LYPLAL1: variants seen among roughly 807,000 people sequenced by gnomAD.
LYPLAL1 encodes the protein lysophospholipase-like protein 1.
LYPLAL1 carries 23 observed loss-of-function variants against 19.7 expected under a neutral mutation model. That is an observed-to-expected ratio of 1.17 (90% CI 0.84 to 1.65). The LOEUF (loss-of-function observed/expected upper bound fraction) is 1.65. LYPLAL1 is among the 40% of genes most tolerant of loss of function. The pLI is 0.00. For missense variants in LYPLAL1, 355 were observed against 279.4 expected (o/e 1.27, Z -1.93); for synonymous variants, 119 against 96.3 (o/e 1.24, Z -1.38).
At chr1:219,315,976 GGCAAGAAAAAATTTGGTGAA>G in the LYPLAL1 span, among the ~76,000 whole-genome samples, 1 of 152,092 alleles carries the variant, frequency 6.6e-6, no homozygotes, top group East Asian at 1.9e-4. Flanking sequence ...AATGCCCCAT[GGCAAGAAAAAATTTGGTGAA>G]AAGCTACATG....
the LYPLAL1 span, among the ~76,000 whole-genome samples, chr1:219,260,055 A>G: frequency 6.6e-6 from 1 of 151,986 alleles, no homozygotes; most frequent in East Asian, 1.9e-4. Context: ...ACAAGGGTAA[A>G]TTAGTACAAA....
At chr1:219,259,856 A>G in the LYPLAL1 span, among the ~76,000 whole-genome samples, 1 of 152,084 alleles carries the variant, frequency 6.6e-6, no homozygotes, top group South Asian at 2.1e-4. Flanking sequence ...AGTAGCTGAT[A>G]TGGATAAATG....
At chr1:219,288,326 G>C in the LYPLAL1 span, among the ~76,000 whole-genome samples, 1 of 152,132 alleles carries the variant, frequency 6.6e-6, no homozygotes, top group East Asian at 1.9e-4. Context: ...AAGCACAAAG[G>C]AAACTTAAGT....
chr1:219,208,838 CA>C (rs1437721284), intron 3 of LYPLAL1, among the ~76,000 whole-genome samples: 1 of 151,934 alleles, frequency 6.6e-6, no homozygotes, highest in African/African-American at 2.4e-5. Flanking sequence ...TGGCAAAAAA[CA>C]ATAAAGTTGA....
the LYPLAL1 span, among the ~76,000 whole-genome samples, chr1:219,372,152 A>G: frequency 6.6e-6 from 1 of 152,206 alleles, no homozygotes; most frequent in African/African-American, 2.4e-5. Flanking sequence ...TGAAAACACA[A>G]TTACTGTCTT....
the LYPLAL1 span, among the ~76,000 whole-genome samples, chr1:219,343,979 C>T: frequency 1.3e-5 from 2 of 151,962 alleles, no homozygotes; most frequent in Admixed American, 1.3e-4. Flanking sequence ...TCTGATTTTT[C>T]TTTAAAGGCA....
At chr1:219,307,856 C>T in the LYPLAL1 span, among the ~76,000 whole-genome samples, 1 of 152,274 alleles carries the variant, frequency 6.6e-6, no homozygotes, top group African/African-American at 2.4e-5. Flanking sequence ...GTAAGAAGTG[C>T]CTTTCACCTC....
At chr1:219,423,073 C>A in the LYPLAL1 span, among the ~76,000 whole-genome samples, 1 of 152,102 alleles carries the variant, frequency 6.6e-6, no homozygotes, top group Non-Finnish European at 1.5e-5. Flanking sequence ...AAATTTTTCC[C>A]ACCTTGATGT....
chr1:219,419,060 G>A, the LYPLAL1 span, among the ~76,000 whole-genome samples: 1 of 152,124 alleles, frequency 6.6e-6, no homozygotes, highest in African/African-American at 2.4e-5. Context: ...CTTACTGAAG[G>A]ACACCTTGGT....
At chr1:219,402,324 A>G in the LYPLAL1 span, among the ~76,000 whole-genome samples, 1 of 152,190 alleles carries the variant, frequency 6.6e-6, no homozygotes, top group Non-Finnish European at 1.5e-5. Context: ...ATCAGATCCC[A>G]AACAAAAAAG....
At chr1:219,419,559 A>G in the LYPLAL1 span, among the ~76,000 whole-genome samples, 1 of 84,872 alleles carries the variant, frequency 1.2e-5, no homozygotes, top group Non-Finnish European at 2.5e-5. Context: ...ACACACACAC[A>G]CACACACACA....
intron 3 of LYPLAL1, among the ~76,000 whole-genome samples, chr1:219,198,059 A>G (rs1657754976): frequency 6.6e-6 from 1 of 152,144 alleles, no homozygotes. Context: ...CACTGAATGA[A>G]GATAATTTGT....
the LYPLAL1 span, among the ~76,000 whole-genome samples, chr1:219,399,043 G>A: frequency 6.6e-6 from 1 of 152,234 alleles, no homozygotes; most frequent in Non-Finnish European, 1.5e-5. Flanking sequence ...GCCAGCAGCA[G>A]CAGCAGTAGC....
chr1:219,398,131 A>G, the LYPLAL1 span, among the ~76,000 whole-genome samples: 2 of 152,186 alleles, frequency 1.3e-5, no homozygotes, highest in African/African-American at 4.8e-5. Context: ...CATGGATGAT[A>G]TCCTGAAATA....
the LYPLAL1 span, among the ~76,000 whole-genome samples, chr1:219,229,240 T>C: frequency 3.6e-3 from 545 of 149,832 alleles, 3 homozygotes; most frequent in African/African-American, 0.013. Flanking sequence ...CGGGGAAGGG[T>C]GTGGTCCCTG....
the LYPLAL1 span, among the ~76,000 whole-genome samples, chr1:219,270,569 G>A: frequency 1.3e-5 from 2 of 152,168 alleles, no homozygotes. Context: ...GCGCCACATT[G>A]CCTGGTTTTC....
chr1:219,416,797 C>A, the LYPLAL1 span, among the ~76,000 whole-genome samples: 1 of 152,078 alleles, frequency 6.6e-6, no homozygotes. Context: ...AATTATGGAT[C>A]CCTTTTGTCG....
chr1:219,330,947 T>C, the LYPLAL1 span, among the ~76,000 whole-genome samples: 1 of 152,188 alleles, frequency 6.6e-6, no homozygotes, highest in Non-Finnish European at 1.5e-5. Context: ...TGAAATCTGC[T>C]CAAAGTCACA....
At chr1:219,315,809 T>C in the LYPLAL1 span, among the ~76,000 whole-genome samples, 1 of 152,164 alleles carries the variant, frequency 6.6e-6, no homozygotes. Flanking sequence ...AATAAGTACA[T>C]TTAAAAGTTA....
Sources: allele counts gnomAD v4.1 joint callset (sites outside exome capture counted in the v4.1 genomes callset), GRCh38; gene constraint gnomAD v4.1.1; transcripts MANE v1.5; gene names NCBI Gene and HGNC (gene_info 2026-07-23, HGNC 2026-07-21).